The following MACROD2 variants were observed in gnomAD, a reference collection of about 807,000 sequenced individuals.
MACROD2 encodes the protein ADP-ribose glycohydrolase MACROD2.
MACROD2 carries 36 observed loss-of-function variants against 70.4 expected under a neutral mutation model. The observed-to-expected ratio is 0.51, with a 90% CI of 0.39 to 0.68. The LOEUF (loss-of-function observed/expected upper bound fraction) is 0.68. MACROD2 is among the 30% of genes least tolerant of loss of function. MACROD2 has a pLI of 0.00. For missense variants in MACROD2, 496 were observed against 538.4 expected, an observed-to-expected ratio of 0.92 and a Z score of 0.78; for synonymous variants, 172 against 178.8, an observed-to-expected ratio of 0.96 and a Z score of 0.30.
chr20:14,139,439 A>C (rs1783565759), intron 3 of MACROD2, among the ~76,000 whole-genome samples: 1 of 152,260 alleles, frequency 6.6e-6, no homozygotes, highest in Non-Finnish European at 1.5e-5. Flanking sequence ...CTATGTTTTT[A>C]ACTGTACTGC....
chr20:14,354,609 T>C (rs2083155820), intron 3 of MACROD2, among the ~76,000 whole-genome samples: 1 of 152,184 alleles, frequency 6.6e-6, no homozygotes, highest in Non-Finnish European at 1.5e-5. Context: ...TGGGTCTTTT[T>C]CAACTTTTAT....
At chr20:14,207,300 C>T (rs998550768) in intron 3 of MACROD2, among the ~76,000 whole-genome samples, 1 of 152,016 alleles carries the variant, frequency 6.6e-6, no homozygotes, top group African/African-American at 2.4e-5. Context: ...CGGGGTTTCA[C>T]CATGTTGGCC....
chr20:14,033,445 T>TATTCTATTCATAGAATATTCATAGC (rs577855937), intron 2 of MACROD2, among the ~76,000 whole-genome samples: 12 of 152,208 alleles, frequency 7.9e-5, no homozygotes, highest in East Asian at 3.8e-4. Context: ...TTGTAGATTC[T>TATTCTATTCATAGAATATTCATAGC]ATTCTATTCA....
chr20:15,624,349 C>G (rs1048592854), intron 8 of MACROD2, among the ~76,000 whole-genome samples: 2 of 152,196 alleles, frequency 1.3e-5, no homozygotes, highest in Admixed American at 1.3e-4. Flanking sequence ...TTAAACTCCT[C>G]TAGCAACACC....
chr20:14,959,493 A>G (rs1600874958), intron 5 of MACROD2, among the ~76,000 whole-genome samples: 1 of 151,840 alleles, frequency 6.6e-6, no homozygotes, highest in Non-Finnish European at 1.5e-5. Flanking sequence ...CTGTCCCACT[A>G]CCTTTATTTC....
At chr20:14,419,044 AT>A (rs201848204) in intron 3 of MACROD2, among the ~76,000 whole-genome samples, 27 of 148,714 alleles carry the variant, frequency 1.8e-4, no homozygotes, top group South Asian at 6.4e-4. Flanking sequence ...CAGTCTTAGG[AT>A]TTTTTTTGTT....
chr20:14,986,037 C>T (rs1342845007), intron 5 of MACROD2, among the ~76,000 whole-genome samples: 1 of 152,090 alleles, frequency 6.6e-6, no homozygotes, highest in African/African-American at 2.4e-5. Flanking sequence ...TTGAAAATAA[C>T]CTTTGGATTT....
At chr20:14,154,309 C>T (rs2055063166) in intron 3 of MACROD2, among the ~76,000 whole-genome samples, 2 of 151,608 alleles carry the variant, frequency 1.3e-5, no homozygotes, top group Admixed American at 1.3e-4. Flanking sequence ...ATACCAGCAA[C>T]AAAGGGAAAT....
intron 13 of MACROD2, among the ~76,000 whole-genome samples, chr20:15,978,592 CTCT>C (rs932378761): frequency 4.0e-5 from 6 of 148,314 alleles, no homozygotes; most frequent in South Asian, 4.3e-4. Context: ...GTCTCTCTCT[CTCT>C]CTCTCTCTCT....
At chr20:15,009,394 T>A (rs1177291901) in intron 5 of MACROD2, among the ~76,000 whole-genome samples, 1 of 152,190 alleles carries the variant, frequency 6.6e-6, no homozygotes, top group Non-Finnish European at 1.5e-5. Context: ...TGGAAGCTTC[T>A]TGGGTGCCTT....
At chr20:14,128,202 G>T in intron 3 of MACROD2, 1 of 381,350 alleles carries the variant, frequency 2.6e-6, no homozygotes. Flanking sequence ...CAAATCCTAA[G>T]AAGATTTGGG....
intron 3 of MACROD2, among the ~76,000 whole-genome samples, chr20:14,437,876 G>A (rs868140128): frequency 6.6e-6 from 1 of 152,012 alleles, no homozygotes; most frequent in South Asian, 2.1e-4. Flanking sequence ...CATCTATATA[G>A]TAAAATTATT....
chr20:14,779,653 A>C lies in MACROD2; in HGVS notation c.418+94694A>C, dbSNP rs574471108. On this transcript the variant is annotated intron_variant, in intron 5 of 17. Coordinates refer to ENST00000684519, the MANE Select transcript of MACROD2 (RefSeq NM_001351661.2). Reference sequence around the variant, plus strand: ...ATTGTTAAGCAGTATGGTAAAAATAAAATTCTATTTACCAAATTCTCCTTA... The same window carrying C: ...ATTGTTAAGCAGTATGGTAAAAATACAATTCTATTTACCAAATTCTCCTTA... Among the ~76,000 whole-genome samples, 264 of 152,254 alleles carry C rather than the reference A, an allele frequency of 1.7e-3. 1 individual carries two copies. Among genetic ancestry groups the C allele is most frequent in the African/African-American group, 5.7e-3 (235 of 41,516 alleles).
chr20:14,293,133 G>C (rs2082399605), intron 3 of MACROD2, among the ~76,000 whole-genome samples: 1 of 151,554 alleles, frequency 6.6e-6, no homozygotes, highest in South Asian at 2.1e-4. Context: ...AACACAATTT[G>C]TACAAACTTA....
chr20:14,269,362 A>T (rs567107272), intron 3 of MACROD2, among the ~76,000 whole-genome samples: 2 of 152,326 alleles, frequency 1.3e-5, no homozygotes, highest in East Asian at 3.9e-4. Flanking sequence ...TCATTTCAGA[A>T]TTGAAATGTT....
chr20:15,792,386 CT>C (rs1291714003), intron 8 of MACROD2, among the ~76,000 whole-genome samples: 1 of 151,738 alleles, frequency 6.6e-6, no homozygotes, highest in Non-Finnish European at 1.5e-5. Context: ...TTACAACCAA[CT>C]AAAAAAAAAT....
intron 3 of MACROD2, among the ~76,000 whole-genome samples, chr20:14,209,643 G>T (rs2081554745): frequency 6.6e-6 from 1 of 152,090 alleles, no homozygotes; most frequent in Admixed American, 6.5e-5. Context: ...GTCATTTAGG[G>T]ACTCAGATAG....
At chr20:15,494,843 A>G (rs1372714403) in intron 7 of MACROD2, among the ~76,000 whole-genome samples, 2 of 152,054 alleles carry the variant, frequency 1.3e-5, no homozygotes, top group Non-Finnish European at 2.9e-5. Context: ...TAAGAAAAAA[A>G]TCATTTATTT....
intron 6 of MACROD2, among the ~76,000 whole-genome samples, chr20:15,401,270 C>A (rs2045927090): frequency 6.6e-6 from 1 of 152,142 alleles, no homozygotes; most frequent in African/African-American, 2.4e-5. Context: ...GATCTCCTGA[C>A]CTTGTGATCC....
Sources: gnomAD v4.1 joint callset for allele counts (sites outside exome capture counted in the v4.1 genomes callset) on GRCh38, gnomAD v4.1.1 for gene constraint, MANE v1.5 for transcripts, NCBI Gene and HGNC (gene_info 2026-07-23, HGNC 2026-07-21) for gene names.